Variants in SORBS2 observed in about 807,000 individuals in gnomAD.
SORBS2 encodes sorbin and SH3 domain containing 2.
SORBS2 carries 46 observed loss-of-function variants against 97.7 expected under a neutral mutation model. The observed-to-expected ratio is 0.47, with a 90% CI of 0.37 to 0.60. SORBS2 has a LOEUF of 0.60. Ranked by LOEUF, SORBS2 falls within the 20% of genes least tolerant of loss-of-function variation. The probability of loss-of-function intolerance (pLI) is 0.00; values close to 1 mark genes in which losing one functional copy is unlikely to be tolerated. For synonymous variants in SORBS2, 476 were observed against 473.4 expected (o/e 1.01, Z -0.07); for missense variants, 1,316 against 1,282.3 (o/e 1.03, Z -0.40).
At chr4:185,940,282 C>T (rs1446290200) in intron 1 of SORBS2, among the ~76,000 whole-genome samples, 2 of 152,212 alleles carry the variant, frequency 1.3e-5, no homozygotes, top group Non-Finnish European at 2.9e-5. Flanking sequence ...GCCCAGTTAC[C>T]ACTTGCAGGA....
chr4:185,858,595 T>C (rs973152480), intron 1 of SORBS2, among the ~76,000 whole-genome samples: 1 of 152,188 alleles, frequency 6.6e-6, no homozygotes, highest in Non-Finnish European at 1.5e-5. Context: ...GAGGTTGCCA[T>C]AAGCACTGAC....
chr4:185,587,799 G>T, intron 14 of SORBS2, 111 bp from the exon 27 acceptor site: 1 of 823,624 alleles, frequency 1.2e-6, no homozygotes, highest in Non-Finnish European at 2.0e-6. Context: ...GCCCCGAGGG[G>T]TTTGGAAAAG....
In SORBS2 at chr4:185,708,413, C is replaced by A. The variant is rs114976848; in HGVS notation, c.-197-29591G>T. Among the ~76,000 whole-genome samples, 785 of 152,258 alleles carry A rather than the reference C, an allele frequency of 5.2e-3. 13 individuals carry two copies. Among genetic ancestry groups the A allele is most frequent in the African/African-American group, 0.018 (757 of 41,544 alleles). On this transcript the variant is annotated intron_variant, in intron 2 of 20. Transcript: ENST00000284776. ...AAGGATCAAACCATCATCAGAACCA[C>A]CCTTTGTGTCTTCATTAATTTTTTG...
intron 2 of SORBS2, among the ~76,000 whole-genome samples, chr4:185,718,466 C>G (rs2098484195): frequency 6.6e-6 from 1 of 152,134 alleles, no homozygotes; most frequent in African/African-American, 2.4e-5. Context: ...ACAGGACAAA[C>G]TACTGAAAGC....
intron 1 of SORBS2, among the ~76,000 whole-genome samples, chr4:185,886,491 G>C (rs181113793): frequency 1.1e-4 from 16 of 144,014 alleles, no homozygotes; most frequent in Admixed American, 1.0e-3. Flanking sequence ...GGAGGCGGAG[G>C]TTGCAGTGAG....
In SORBS2 at chr4:185,938,008, C is replaced by CTT. The variant is rs529655739; in HGVS notation, c.-338+18186_-338+18187dup. ...CCTCCTAGGTTTTAGAGAAATCATT[C>CTT]TTTTTTTTTTTTTTTTTTTGAGATG... On this transcript the variant is annotated intron_variant, in intron 1 of 20. Transcript: ENST00000284776. 1.7e-3 allele frequency among the ~76,000 whole-genome samples: 207 copies of CTT among 121,292 alleles called. 5 individuals are homozygous for CTT. Among genetic ancestry groups the CTT allele is most frequent in the East Asian group, 4.9e-3 (20 of 4,122 alleles). 79.6% of individuals were successfully genotyped at this position (121,292 alleles called of 152,430 possible). A position where few individuals can be genotyped will look rare whatever the true frequency, so the allele number is the denominator to read the frequency against.
chr4:185,770,123 G>T (rs113243152), intron 2 of SORBS2, among the ~76,000 whole-genome samples: 4,735 of 149,842 alleles, frequency 0.032, 243 homozygotes, highest in African/African-American at 0.11. Context: ...CTGTCACCCA[G>T]GCTAGAGTGC....
At chr4:185,639,185 C>G in intron 4 of SORBS2, 150 bp from the exon 14 acceptor site, 2 of 662,092 alleles carry the variant, frequency 3.0e-6, no homozygotes, top group Non-Finnish European at 4.8e-6. Flanking sequence ...CCAGACGCCT[C>G]GGGAGCGATC....
chr4:185,716,063 C>A (rs1167169142), intron 2 of SORBS2, among the ~76,000 whole-genome samples: 2 of 152,204 alleles, frequency 1.3e-5, no homozygotes, highest in Admixed American at 6.5e-5. Flanking sequence ...GTTCCTATAT[C>A]ATCAGAGGAT....
At chr4:185,803,344 T>C (rs1177865415) in intron 1 of SORBS2, among the ~76,000 whole-genome samples, 1 of 152,180 alleles carries the variant, frequency 6.6e-6, no homozygotes, top group African/African-American at 2.4e-5. Flanking sequence ...GTTTTAAGGG[T>C]ATGTTTTCCT....
In SORBS2 at chr4:185,620,159, A is replaced by G; in HGVS notation, c.2216-8T>C. On this transcript the variant is annotated splice_region_variant and splice_polypyrimidine_tract_variant and intron_variant, in intron 7 of 14. Coordinates refer to ENST00000418609, the Ensembl canonical transcript of SORBS2. ...TTCTAGGGGACTCACGGTCTATTGGAAAGAACAGGGCCAGTCATGGTGAGT... is the reference window on the plus strand; with the variant it reads ...TTCTAGGGGACTCACGGTCTATTGGGAAGAACAGGGCCAGTCATGGTGAGT... 6.4e-7 allele frequency: 1 copy of G among 1,569,612 alleles called. No homozygotes were observed. The highest frequency in any genetic ancestry group is 8.8e-7 in the Non-Finnish European group (1 of 1,139,088).
intron 1 of SORBS2, among the ~76,000 whole-genome samples, chr4:185,947,184 T>C (rs12508368): frequency 0.81 from 122,973 of 152,190 alleles, 51,144 homozygotes; most frequent in East Asian, 0.95. Context: ...AAGTGCAACC[T>C]GTGCATGTGG....
intron 13 of SORBS2, chr4:185,592,768 C>G (rs1057464131): frequency 4.6e-5 from 7 of 152,264 alleles, no homozygotes; most frequent in African/African-American, 1.7e-4. Flanking sequence ...CTATGTTGTC[C>G]AGGCTGGTCT....
At chr4:185,602,075 G>T (rs1393089870) in intron 12 of SORBS2, among the ~76,000 whole-genome samples, 2 of 151,880 alleles carry the variant, frequency 1.3e-5, no homozygotes, top group Non-Finnish European at 2.9e-5. Context: ...CAGTGGCACG[G>T]TCTCGGCTCA....
At chr4:185,761,163 T>C (rs894460027) in intron 2 of SORBS2, among the ~76,000 whole-genome samples, 3 of 152,244 alleles carry the variant, frequency 2.0e-5, no homozygotes, top group Non-Finnish European at 1.5e-5. Context: ...CCTGAACATA[T>C]GTTAAAATAC....
At chr4:185,674,490 C>T (rs571718203) in intron 4 of SORBS2, among the ~76,000 whole-genome samples, 2 of 152,244 alleles carry the variant, frequency 1.3e-5, no homozygotes, top group East Asian at 1.9e-4. Context: ...CCTCCTTGCC[C>T]CACTATGGTA....
intron 1 of SORBS2, among the ~76,000 whole-genome samples, chr4:185,801,006 C>T (rs2099127694): frequency 6.6e-6 from 1 of 152,182 alleles, no homozygotes; most frequent in African/African-American, 2.4e-5. Flanking sequence ...ACTTATTTGT[C>T]CTATAACTGA....
intron 2 of SORBS2, chr4:185,771,660 T>C (rs2098972227): frequency 6.6e-6 from 1 of 152,240 alleles, no homozygotes; most frequent in Admixed American, 6.5e-5. Context: ...ATTGAATATA[T>C]AAGTGACTAT....
chr4:185,742,295 C>G (rs938741535), intron 2 of SORBS2, among the ~76,000 whole-genome samples: 1 of 152,204 alleles, frequency 6.6e-6, no homozygotes. Flanking sequence ...AACATATGCA[C>G]CCAGGAGCAT....
Sources: allele counts gnomAD v4.1 joint callset (sites outside exome capture counted in the v4.1 genomes callset), GRCh38; gene constraint gnomAD v4.1.1; transcripts MANE v1.5; gene names NCBI Gene and HGNC (gene_info 2026-07-23, HGNC 2026-07-21).